GALNT12: variants seen among roughly 807,000 people sequenced by gnomAD.
GALNT12 encodes polypeptide N-acetylgalactosaminyltransferase 12.
GALNT12 carries 45 observed loss-of-function variants against 55.5 expected under a neutral mutation model. The observed-to-expected ratio is 0.81, with a 90% CI of 0.64 to 1.04. The LOEUF (loss-of-function observed/expected upper bound fraction) is 1.04, where lower values mean the gene tolerates loss of function less well. Ranked by LOEUF, GALNT12 falls within the 50% of genes least tolerant of loss-of-function variation. GALNT12 has a pLI of 0.00. For missense variants in GALNT12, 709 were observed against 754.8 expected, an observed-to-expected ratio of 0.94 and a Z score of 0.71; for synonymous variants, 304 against 312.2, an observed-to-expected ratio of 0.97 and a Z score of 0.28.
At chr9:98,820,783 T>C (rs1835718754) in intron 1 of GALNT12, among the ~76,000 whole-genome samples, 1 of 152,226 alleles carries the variant, frequency 6.6e-6, no homozygotes, top group Admixed American at 6.5e-5. Context: ...TTTTTAATAA[T>C]AGCCATTTTG....
intron 6 of GALNT12, 83 bp from the exon 7 acceptor site, chr9:98,839,919 A>G: frequency 1.3e-6 from 2 of 1,557,572 alleles, no homozygotes; most frequent in South Asian, 2.2e-5. Context: ...GCTGGTGGTT[A>G]GTAAGTGAGC....
intron 5 of GALNT12, among the ~76,000 whole-genome samples, chr9:98,836,522 C>G (rs1386315085): frequency 6.6e-6 from 1 of 151,942 alleles, no homozygotes; most frequent in Non-Finnish European, 1.5e-5. Flanking sequence ...TTTTAATGGT[C>G]TCTCTGCCTC....
At chr9:98,823,199 T>A in intron 1 of GALNT12, 57 bp from the exon 2 acceptor site, 2 of 1,513,068 alleles carry the variant, frequency 1.3e-6, no homozygotes, top group East Asian at 4.5e-5. Flanking sequence ...TGTCACTCCA[T>A]CCCCAGTGCC....
At position 98,839,944 on chromosome 9, in the gene GALNT12, G is replaced by C. The variant is rs1463644002; in HGVS notation, c.1213-58G>C. ...AGTAAGTGAGCATCAGTGAACACAG[G>C]GGCTTTGAAAGGAAGCACTAGGACC... On this transcript the variant is annotated intron_variant, in intron 6 of 9. Coordinates refer to ENST00000375011, the MANE Select transcript of GALNT12 (RefSeq NM_024642.5). 4.3e-6 allele frequency: 7 copies of C among 1,609,612 alleles called. No homozygotes were observed. The African/African-American group carries it at 8.0e-5, about 18-fold the overall frequency.
intron 4 of GALNT12, among the ~76,000 whole-genome samples, chr9:98,833,895 G>A (rs2118429412): frequency 6.6e-6 from 1 of 152,172 alleles, no homozygotes; most frequent in East Asian, 1.9e-4. Flanking sequence ...ATATCCCTGT[G>A]CCTCAGTTAT....
intron 8 of GALNT12, among the ~76,000 whole-genome samples, chr9:98,845,574 G>T (rs1029908652): frequency 6.6e-6 from 1 of 152,126 alleles, no homozygotes; most frequent in Non-Finnish European, 1.5e-5. Flanking sequence ...TTGGGGGTTT[G>T]GGAGGAGAGA....
At chr9:98,808,119 C>T (rs1394529431) in intron 1 of GALNT12, 50 bp downstream of exon 1, 6 of 1,457,154 alleles carry the variant, frequency 4.1e-6, no homozygotes, top group African/African-American at 1.4e-5. Context: ...CCCCGGGCCT[C>T]AGTTTCTCCA....
chr9:98,832,114 A>C (rs1055017482), intron 4 of GALNT12, among the ~76,000 whole-genome samples, 157 bp downstream of exon 4: 2 of 152,174 alleles, frequency 1.3e-5, no homozygotes, highest in African/African-American at 4.8e-5. Context: ...TATTTTTATT[A>C]AACGTGTCTG....
chr9:98,838,177 T>C (rs1436525088), intron 6 of GALNT12, among the ~76,000 whole-genome samples: 5 of 152,222 alleles, frequency 3.3e-5, no homozygotes, highest in African/African-American at 1.2e-4. Flanking sequence ...CCCTGGAAGC[T>C]TCCTTTTCTA....
intron 1 of GALNT12, among the ~76,000 whole-genome samples, chr9:98,810,559 T>A (rs1372371412): frequency 6.6e-6 from 1 of 152,192 alleles, no homozygotes; most frequent in East Asian, 1.9e-4. Flanking sequence ...CCTAGACTTT[T>A]AATGAAAGTC....
intron 9 of GALNT12, among the ~76,000 whole-genome samples, chr9:98,848,109 C>T (rs1836462802): frequency 6.6e-6 from 1 of 152,142 alleles, no homozygotes; most frequent in Non-Finnish European, 1.5e-5. Flanking sequence ...GCTACTGTGC[C>T]CAGCCTTGTA....
intron 8 of GALNT12, among the ~76,000 whole-genome samples, chr9:98,845,695 G>GCATTCAA (rs1205663120): frequency 6.6e-6 from 1 of 152,148 alleles, no homozygotes; most frequent in Non-Finnish European, 1.5e-5. Context: ...ACAGCATTCA[G>GCATTCAA]CACTGCAGGC....
chr9:98,811,635 AG>A (rs536284520), intron 1 of GALNT12, among the ~76,000 whole-genome samples: 11 of 150,750 alleles, frequency 7.3e-5, no homozygotes, highest in African/African-American at 2.7e-4. Context: ...GTCTGAGTTC[AG>A]GGGTCAGGAT....
At chr9:98,847,134 C>T (rs1343496085) in intron 9 of GALNT12, 2 of 152,064 alleles carry the variant, frequency 1.3e-5, no homozygotes. Flanking sequence ...CTTTGACTCA[C>T]TAAAAAGCAT....
At chr9:98,811,507 C>T (rs1341347603) in intron 1 of GALNT12, among the ~76,000 whole-genome samples, 1 of 152,112 alleles carries the variant, frequency 6.6e-6, no homozygotes, top group Non-Finnish European at 1.5e-5. Context: ...TGTGTGAACA[C>T]CAGCCATTCT....
Position 98,835,217 on chromosome 9 carries a change from T to C in GALNT12, c.918-32T>C, listed in dbSNP as rs371535889. On this transcript the variant is annotated intron_variant, in intron 4 of 9. Coordinates refer to ENST00000375011, the MANE Select transcript of GALNT12 (RefSeq NM_024642.5). ...ATAACTGTGATGGTTTTCTGCTGTC[T>C]ACAGTGAAATAAGGATATCATACTT... The C allele has an allele frequency of 1.5e-5, 21 of 1,416,822 alleles. No individual in the cohort carries two copies. The African/African-American group carries it at 2.7e-4, about 18-fold the overall frequency. The allele number at this position is 1,416,822 out of a possible 1,614,324, so 87.8% of individuals were successfully genotyped here.
chr9:98,844,368 T>C, intron 8 of GALNT12, 159 bp downstream of exon 8: 1 of 641,284 alleles, frequency 1.6e-6, no homozygotes. Context: ...AAAATGTGTT[T>C]TCTTCCCATC....
chr9:98,815,109 C>CT (rs1321499306), intron 1 of GALNT12, among the ~76,000 whole-genome samples: 1 of 152,198 alleles, frequency 6.6e-6, no homozygotes, highest in African/African-American at 2.4e-5. Context: ...AGATGCACAG[C>CT]TTTTTATTAG....
chr9:98,816,910 TG>T (rs375110422), intron 1 of GALNT12, among the ~76,000 whole-genome samples: 127 of 150,942 alleles, frequency 8.4e-4, no homozygotes, highest in Middle Eastern at 6.9e-3. Flanking sequence ...CTGCAAGCTC[TG>T]CCTTCCGGGT....
Sources: gnomAD v4.1 joint callset for allele counts (sites outside exome capture counted in the v4.1 genomes callset) on GRCh38, gnomAD v4.1.1 for gene constraint, MANE v1.5 for transcripts, NCBI Gene and HGNC (gene_info 2026-07-23, HGNC 2026-07-21) for gene names.